CPAMD8: variants seen among roughly 807,000 people sequenced by gnomAD.
CPAMD8 encodes the protein C3 and PZP like alpha-2-macroglobulin domain containing 8.
CPAMD8 carries 146 observed loss-of-function variants against 224.7 expected under a neutral mutation model. The ratio of observed to expected loss-of-function variants is 0.65; its 90% CI spans 0.57 to 0.75. CPAMD8 has a LOEUF of 0.75. Ranked by LOEUF, CPAMD8 falls within the 30% of genes least tolerant of loss-of-function variation. CPAMD8 has a pLI of 0.00. For missense variants in CPAMD8, 2,301 were observed against 2,537.5 expected, an observed-to-expected ratio of 0.91 and a Z score of 2.00; for synonymous variants, 966 against 1,044.6, an observed-to-expected ratio of 0.92 and a Z score of 1.45.
At chr19:16,901,049 G>A (rs60122837) in intron 36 of CPAMD8, among the ~76,000 whole-genome samples, 161 bp downstream of exon 36, 1 of 146,146 alleles carries the variant, frequency 6.8e-6, no homozygotes, top group Non-Finnish European at 1.5e-5. Flanking sequence ...GGTAAAAGGG[G>A]AGGGGGAGGG....
intron 30 of CPAMD8, among the ~76,000 whole-genome samples, chr19:16,906,407 T>TTCCTTCCTTCCTTCC (rs2052515486): frequency 1.1e-4 from 8 of 69,878 alleles, no homozygotes; most frequent in African/African-American, 4.5e-4. Flanking sequence ...TCTTTCTTTC[T>TTCCTTCCTTCCTTCC]TTCCTTCCTT....
chr19:16,958,820 A>C (rs1435105188), intron 18 of CPAMD8, among the ~76,000 whole-genome samples: 1 of 141,650 alleles, frequency 7.1e-6, no homozygotes, highest in African/African-American at 2.6e-5. Context: ...TTTTTTTGAG[A>C]TGGAGTTTCC....
chr19:16,985,687 T>C (rs1450253221), intron 13 of CPAMD8, among the ~76,000 whole-genome samples: 1 of 146,440 alleles, frequency 6.8e-6, no homozygotes, highest in East Asian at 2.0e-4. Flanking sequence ...GATGGATGGA[T>C]GAAGGGTGGA....
chr19:16,957,990 T>C, intron 18 of CPAMD8, 75 bp from the exon 19 acceptor site: 1 of 1,359,012 alleles, frequency 7.4e-7, no homozygotes, highest in Non-Finnish European at 1.0e-6. Flanking sequence ...CAGCTTTGCA[T>C]TCTATTTGAT....
intron 35 of CPAMD8, among the ~76,000 whole-genome samples, chr19:16,901,591 G>A (rs1313357027): frequency 6.6e-6 from 1 of 152,166 alleles, no homozygotes; most frequent in Non-Finnish European, 1.5e-5. Context: ...CCCCAGCCTG[G>A]GAAGCAGCTG....
chr19:17,024,113 G>A (rs2057022370), intron 1 of CPAMD8, among the ~76,000 whole-genome samples: 1 of 152,198 alleles, frequency 6.6e-6, no homozygotes, highest in Non-Finnish European at 1.5e-5. Context: ...ATAACTCACT[G>A]ATAAACCAAA....
At chr19:17,009,214 C>T (rs2056580553) in intron 6 of CPAMD8, 89 bp downstream of exon 6, 2 of 1,609,234 alleles carry the variant, frequency 1.2e-6, no homozygotes, top group East Asian at 2.2e-5. Flanking sequence ...ACCCAGAAGG[C>T]AGACAGTGAG....
Position 16,898,144 on chromosome 19 carries a change from CTTTTTTT to C in CPAMD8, c.4849-157_4849-151del, listed in dbSNP as rs35096930. The stretch of plus-strand genomic sequence containing the variant: ...CATTTTCTTTTTTTCTTTTACTTTT[CTTTTTTT>C]TTTTTTTTCCTGAGACAGAGTCTCG... On this transcript the variant is annotated intron_variant, in intron 37 of 41. Transcript: ENST00000443236. The surrounding 1 kb of genome is among the most constrained non-coding windows in gnomAD (Gnocchi z 4.2). The C allele has an allele frequency of 4.6e-5, 24 of 526,220 alleles. No homozygotes were observed. The highest frequency in any genetic ancestry group is 4.9e-4 in the Middle Eastern group (1 of 2,026). The allele number at this position is 526,220 out of a possible 1,614,324, so 32.6% of individuals were successfully genotyped here.
chr19:16,904,560 G>A lies in CPAMD8; in HGVS notation c.4028-8C>T. 1 of 1,600,892 alleles carries A rather than the reference G, an allele frequency of 6.2e-7. No homozygotes were observed. The highest frequency in any genetic ancestry group is 8.6e-7 in the Non-Finnish European group (1 of 1,167,910). ...TCCAGTGGGTGACCCCATCTGCAAG[G>A]AAAGGAGTGGTCAAGAGCTATAACC... On this transcript the variant is annotated splice_polypyrimidine_tract_variant and splice_region_variant and intron_variant, in intron 30 of 41. Coordinates refer to ENST00000443236, the MANE Select transcript of CPAMD8 (RefSeq NM_015692.5).
At chr19:16,987,943 T>C (rs1053563865) in intron 13 of CPAMD8, among the ~76,000 whole-genome samples, 3 of 152,076 alleles carry the variant, frequency 2.0e-5, no homozygotes, top group African/African-American at 7.2e-5. Flanking sequence ...AGGTTACAGG[T>C]GTGAGCCACC....
chr19:17,005,503 T>C (rs2056463938), intron 7 of CPAMD8, among the ~76,000 whole-genome samples: 1 of 151,548 alleles, frequency 6.6e-6, no homozygotes, highest in Non-Finnish European at 1.5e-5. Context: ...ATGGGAGCTG[T>C]CATTTGCTTT....
chr19:16,969,336 A>C (rs1395002951), intron 18 of CPAMD8, among the ~76,000 whole-genome samples: 1 of 152,174 alleles, frequency 6.6e-6, no homozygotes, highest in Non-Finnish European at 1.5e-5. Flanking sequence ...GGTTGTTACA[A>C]CTGGGAAGGA....
At chr19:17,025,343 C>T (rs376452158) in intron 1 of CPAMD8, among the ~76,000 whole-genome samples, 1 of 152,222 alleles carries the variant, frequency 6.6e-6, no homozygotes, top group South Asian at 2.1e-4. Flanking sequence ...ACCTGGGAGG[C>T]GGAGGTTGCA....
intron 29 of CPAMD8, among the ~76,000 whole-genome samples, chr19:16,912,946 A>G (rs2052785119): frequency 6.6e-6 from 1 of 152,250 alleles, no homozygotes; most frequent in Non-Finnish European, 1.5e-5. Context: ...AACATCATCA[A>G]TTATTCTACA....
intron 23 of CPAMD8, among the ~76,000 whole-genome samples, chr19:16,933,372 T>C (rs1451699567): frequency 6.6e-6 from 1 of 152,080 alleles, no homozygotes; most frequent in Non-Finnish European, 1.5e-5. Context: ...TCAAAAGATA[T>C]AATTAAGAGA....
At position 16,921,777 on chromosome 19, in the gene CPAMD8, C is replaced by T. The variant is rs990037427; in HGVS notation, c.3629+128G>A. ...GGAGCTGGGACCACCACAGTCTTTACTTCCCAGCTGTGTTCCCTGTCATCC... is the reference window on the plus strand; with the variant it reads ...GGAGCTGGGACCACCACAGTCTTTATTTCCCAGCTGTGTTCCCTGTCATCC... On this transcript the variant is annotated intron_variant, in intron 27 of 41. Coordinates refer to ENST00000443236, the MANE Select transcript of CPAMD8 (RefSeq NM_015692.5). 4.7e-6 allele frequency: 3 copies of T among 643,350 alleles called. No individual in the cohort carries two copies. In the African/African-American group the frequency reaches 5.5e-5, roughly 12 times the overall value. The allele number at this position is 643,350 out of a possible 1,614,324, so 39.9% of individuals were successfully genotyped here.
chr19:17,014,026 C>T (rs12104414), intron 3 of CPAMD8, among the ~76,000 whole-genome samples: 1 of 40,644 alleles, frequency 2.5e-5, no homozygotes, highest in African/African-American at 7.5e-5. Context: ...CTCCATCCCT[C>T]CCTTCTTTCT....
At chr19:16,982,071 C>T (rs1309713060) in intron 13 of CPAMD8, among the ~76,000 whole-genome samples, 1 of 152,094 alleles carries the variant, frequency 6.6e-6, no homozygotes, top group Non-Finnish European at 1.5e-5. Flanking sequence ...GCCTGGGCAA[C>T]AAAGTGAGAT....
intron 21 of CPAMD8, 64 bp downstream of exon 21, chr19:16,947,010 T>G: frequency 6.6e-7 from 1 of 1,506,902 alleles, no homozygotes; most frequent in Non-Finnish European, 8.9e-7. Flanking sequence ...CCAACTCGGG[T>G]CAATGCCAGG....
Sources: allele counts gnomAD v4.1 joint callset (sites outside exome capture counted in the v4.1 genomes callset), GRCh38; gene constraint gnomAD v4.1.1; non-coding constraint Gnocchi (gnomAD v3.1); transcripts MANE v1.5; gene names NCBI Gene and HGNC (gene_info 2026-07-23, HGNC 2026-07-21).